The following DNAH9 variants were observed in gnomAD, a reference collection of about 807,000 sequenced individuals.
The protein encoded by DNAH9 is DNAH9 variant protein.
DNAH9 carries 345 observed loss-of-function variants against 471.6 expected under a neutral mutation model. The ratio of observed to expected loss-of-function variants is 0.73; its 90% CI spans 0.67 to 0.80. The LOEUF (loss-of-function observed/expected upper bound fraction) is 0.80, where lower values mean the gene tolerates loss of function less well. Among genes scored for constraint, DNAH9 ranks in the 30% least tolerant of loss-of-function variants. The pLI is 0.00. For missense variants in DNAH9, 5,407 were observed against 5,609.2 expected (o/e 0.96, Z 1.15); for synonymous variants, 2,093 against 2,123.6 (o/e 0.99, Z 0.40).
intron 61 of DNAH9, among the ~76,000 whole-genome samples, chr17:11,920,036 T>TTTC (rs1043517522): frequency 2.6e-5 from 2 of 77,782 alleles, no homozygotes; most frequent in East Asian, 6.9e-4. Context: ...AAGTTCTTTC[T>TTTC]TTTTTTTTTT....
chr17:11,817,551 C>T (rs1225507756), intron 45 of DNAH9, among the ~76,000 whole-genome samples: 3 of 152,168 alleles, frequency 2.0e-5, no homozygotes, highest in African/African-American at 7.2e-5. Flanking sequence ...GCAAAAATAG[C>T]CATAGATAAT....
intron 26 of DNAH9, among the ~76,000 whole-genome samples, chr17:11,713,988 T>C (rs980032192): frequency 1.2e-4 from 19 of 152,166 alleles, no homozygotes; most frequent in Admixed American, 2.0e-4. Context: ...CCAATTAGCA[T>C]AGGCAAAGGA....
chr17:11,868,274 T>A (rs1238684717), intron 50 of DNAH9, among the ~76,000 whole-genome samples: 1 of 152,158 alleles, frequency 6.6e-6, no homozygotes, highest in Non-Finnish European at 1.5e-5. Flanking sequence ...ACTGCTTGGA[T>A]GTTTAAGCTT....
intron 54 of DNAH9, among the ~76,000 whole-genome samples, chr17:11,880,455 C>G (rs1471330748): frequency 6.6e-6 from 1 of 152,098 alleles, no homozygotes; most frequent in Non-Finnish European, 1.5e-5. Context: ...GGCCACAGTG[C>G]ACAATTTTGG....
intron 41 of DNAH9, among the ~76,000 whole-genome samples, chr17:11,788,690 C>G (rs1313457720): frequency 6.6e-6 from 1 of 152,028 alleles, no homozygotes; most frequent in Non-Finnish European, 1.5e-5. Context: ...TAAAGAGTAA[C>G]AGTTATGTTT....
intron 56 of DNAH9, among the ~76,000 whole-genome samples, chr17:11,885,081 G>C (rs971892464): frequency 3.3e-5 from 5 of 152,040 alleles, no homozygotes; most frequent in Admixed American, 1.3e-4. Flanking sequence ...TTACTTGAAG[G>C]CCACTGTATT....
At chr17:11,697,003 G>C (rs1303167543) in intron 22 of DNAH9, among the ~76,000 whole-genome samples, 1 of 152,166 alleles carries the variant, frequency 6.6e-6, no homozygotes, top group South Asian at 2.1e-4. Context: ...AGAGTAGCTG[G>C]AACTACAGGC....
intron 38 of DNAH9, among the ~76,000 whole-genome samples, chr17:11,770,373 C>T (rs1013910059): frequency 6.6e-6 from 1 of 152,150 alleles, no homozygotes; most frequent in African/African-American, 2.4e-5. Context: ...CCCAGTGCCC[C>T]TGGGGGAATT....
At chr17:11,868,906 C>G (rs1972159063) in intron 50 of DNAH9, among the ~76,000 whole-genome samples, 1 of 152,136 alleles carries the variant, frequency 6.6e-6, no homozygotes, top group Non-Finnish European at 1.5e-5. Flanking sequence ...TGGATGTCCA[C>G]TCCACCCTCC....
intron 45 of DNAH9, 96 bp from the exon 46 acceptor site, chr17:11,821,824 A>T: frequency 7.0e-7 from 1 of 1,419,988 alleles, no homozygotes; most frequent in Non-Finnish European, 9.5e-7. Context: ...CCTAAAAACC[A>T]CTGACCTGTG....
intron 61 of DNAH9, among the ~76,000 whole-genome samples, chr17:11,920,471 A>G (rs1974102226): frequency 1.3e-5 from 2 of 151,494 alleles, no homozygotes; most frequent in Non-Finnish European, 2.9e-5. Flanking sequence ...AAATACACAA[A>G]TTAGCTGGGC....
At position 11,942,437 on chromosome 17, in the gene DNAH9, C is replaced by T. The variant is rs761790030; in HGVS notation, c.12795C>T (p.Leu4265=). ...AGGAGTGTGGCCGGATGAATATCCT[C>T]ACCAGAGAGATTCAGCGCTCACTGA... The part of the protein sequence containing the change: ...AFQECGRMNI[L]TREIQRSLRE... The change falls in exon 67 of 69, where the codon CTC becomes CTT. Residue 4265 remains leucine (L), a synonymous_variant. Transcript: ENST00000262442. The T allele has an allele frequency of 4.3e-6, 7 of 1,614,140 alleles. No homozygotes were observed. The Admixed American group carries it at 6.7e-5, about 15-fold the overall frequency.
rs869105187 is a variant in DNAH9 at position 11,811,989 on chromosome 17, CAAAAAAAAAAAAAAAAAAAAAA to C, written c.8707+1637_8707+1658del. Among the ~76,000 whole-genome samples the C allele has an allele frequency of 3.8e-3, 116 of 30,400 alleles. 3 individuals carry two copies. Among genetic ancestry groups the C allele is most frequent in the African/African-American group, 8.3e-3 (107 of 12,874 alleles). 19.9% of individuals were successfully genotyped at this position (30,400 alleles called of 152,430 possible). A position where few individuals can be genotyped will look rare whatever the true frequency, so the allele number is the denominator to read the frequency against. Reference sequence around the variant, plus strand: ...TGGGTGACTGAGTGAGACTCTGTCTCAAAAAAAAAAAAAAAAAAAAAAAAAAAAAAAAAAAAAATATATATAT... The same window carrying C: ...TGGGTGACTGAGTGAGACTCTGTCTCAAAAAAAAAAAAAAAATATATATAT... On this transcript the variant is annotated intron_variant, in intron 45 of 68. Coordinates refer to ENST00000262442, the MANE Select transcript of DNAH9 (RefSeq NM_001372.4).
At chr17:11,728,206 G>A (rs1250453237) in intron 28 of DNAH9, among the ~76,000 whole-genome samples, 2 of 152,140 alleles carry the variant, frequency 1.3e-5, no homozygotes, top group Non-Finnish European at 2.9e-5. Flanking sequence ...CTTCATCTGG[G>A]CACAGAAACA....
At chr17:11,890,780 T>C (rs180817594) in intron 57 of DNAH9, among the ~76,000 whole-genome samples, 26 of 152,132 alleles carry the variant, frequency 1.7e-4, no homozygotes, top group Middle Eastern at 3.4e-3. Flanking sequence ...ACCAGCATAG[T>C]TCATTGCAGC....
chr17:11,748,422 A>G (rs1251174300), intron 32 of DNAH9, among the ~76,000 whole-genome samples: 1 of 152,178 alleles, frequency 6.6e-6, no homozygotes, highest in Non-Finnish European at 1.5e-5. Context: ...GCTGCCTGGC[A>G]GTAGACTTCA....
intron 35 of DNAH9, among the ~76,000 whole-genome samples, chr17:11,757,909 G>A (rs948744296): frequency 6.6e-6 from 1 of 152,186 alleles, no homozygotes; most frequent in Non-Finnish European, 1.5e-5. Context: ...GTGAAGGGGA[G>A]GAAGATTGAA....
At chr17:11,702,503 G>A (rs138108774) in intron 24 of DNAH9, among the ~76,000 whole-genome samples, 1 of 152,258 alleles carries the variant, frequency 6.6e-6, no homozygotes, top group Non-Finnish European at 1.5e-5. Context: ...AGAAGAGAGT[G>A]CAGAACAAAT....
chr17:11,768,322 G>T, intron 36 of DNAH9, 131 bp from the exon 37 acceptor site: 1 of 930,768 alleles, frequency 1.1e-6, no homozygotes, highest in Non-Finnish European at 1.7e-6. Context: ...GGAGGAGCTG[G>T]TCTAGCCGGC....
Sources: gnomAD v4.1 joint callset for allele counts (sites outside exome capture counted in the v4.1 genomes callset) on GRCh38, gnomAD v4.1.1 for gene constraint, MANE v1.5 for transcripts, NCBI Gene and HGNC (gene_info 2026-07-23, HGNC 2026-07-21) for gene names.